Variants in TSC1 observed in about 807,000 individuals in gnomAD.
TSC1 encodes hamartin.
A neutral mutation model predicts 124.3 loss-of-function variants in TSC1; 20 were observed. The ratio of observed to expected loss-of-function variants is 0.16; its 90% CI spans 0.11 to 0.23. The LOEUF (loss-of-function observed/expected upper bound fraction) is 0.23, where lower values mean the gene tolerates loss of function less well. Ranked by LOEUF, TSC1 falls within the 10% of genes least tolerant of loss-of-function variation. The pLI, the probability that TSC1 is intolerant of heterozygous loss-of-function variation, is 1.00. For missense variants in TSC1, 1,124 were observed against 1,448.5 expected, an observed-to-expected ratio of 0.78 and a Z score of 3.64; for synonymous variants, 493 against 539.1, an observed-to-expected ratio of 0.91 and a Z score of 1.19.
Position 132,902,465 on chromosome 9 carries a change from T to G in TSC1, c.2391+140A>C. 8.8e-7 allele frequency: 1 copy of G among 1,137,852 alleles called. No homozygotes were observed. The highest frequency in any genetic ancestry group is 1.3e-6 in the Non-Finnish European group (1 of 769,394). The allele number at this position is 1,137,852 out of a possible 1,614,324, so 70.5% of individuals were successfully genotyped here. On this transcript the variant is annotated intron_variant, in intron 18 of 22. Coordinates refer to ENST00000298552, the MANE Select transcript of TSC1 (RefSeq NM_000368.5). The surrounding 1 kb of genome is among the most constrained non-coding windows in gnomAD (Gnocchi z 5.2). ...TAAGATTCACCTGCCATGAAGAATT[T>G]CTGCCATGATTTCAGAGAGAAAAGC... is the stretch of plus-strand genomic sequence containing the variant.
intron 2 of TSC1, among the ~76,000 whole-genome samples, chr9:132,932,626 GC>G (rs1847260492): frequency 6.6e-6 from 1 of 152,040 alleles, no homozygotes; most frequent in Admixed American, 6.5e-5. Flanking sequence ...AGCCTACAAG[GC>G]CTCATAAGAT....
Position 132,900,696 on chromosome 9 carries a change from C to T in TSC1, c.2625+19G>A, listed in dbSNP as rs200135828. On this transcript the variant is annotated intron_variant, in intron 20 of 22. Transcript: ENST00000298552. Reference sequence around the variant, plus strand: ...AAACGCTTTCCCCACTAAGGTCTGGCTCCCGAGCCCTGGCATACCTTTGTG... The same window carrying T: ...AAACGCTTTCCCCACTAAGGTCTGGTTCCCGAGCCCTGGCATACCTTTGTG... 6.5e-5 allele frequency: 105 copies of T among 1,613,850 alleles called. No homozygotes were observed. The African/African-American group carries it at 1.3e-3, about 20-fold the overall frequency.
intron 8 of TSC1, chr9:132,912,745 G>A (rs2132012316): frequency 2.4e-6 from 1 of 424,076 alleles, no homozygotes; most frequent in East Asian, 5.0e-5. Flanking sequence ...TGAAACATAA[G>A]CTATGCAGCA....
Position 132,921,739 on chromosome 9 carries a change from G to A in TSC1, c.663+80C>T, listed in dbSNP as rs940155423. The stretch of plus-strand genomic sequence containing the variant: ...ATTTCTTTTCAAAATTTCCCTGTCT[G>A]CCGTTAAATACAAAAGGTATAAATG... On this transcript the variant is annotated intron_variant, in intron 7 of 22. Transcript: ENST00000298552. This position sits in a 1 kb window ranked among gnomAD's most constrained non-coding sequence, Gnocchi z 4.3. The A allele has an allele frequency of 6.4e-7, 1 of 1,564,618 alleles. No homozygotes were observed. The highest frequency in any genetic ancestry group is 8.8e-7 in the Non-Finnish European group (1 of 1,137,934).
In TSC1 at chr9:132,912,310, G is replaced by T. The variant is rs973115696; in HGVS notation, c.885C>A (p.Ser295Arg). The T allele has an allele frequency of 1.2e-6, 2 of 1,614,138 alleles. No individual in the cohort carries two copies. The highest frequency in any genetic ancestry group is 1.7e-6 in the Non-Finnish European group (2 of 1,180,018). The change falls in exon 9 of 23, where the codon AGC (serine) becomes AGA (arginine). Residue 295 changes from serine to arginine, a missense_variant. Ser to Arg is a moderately radical substitution (Grantham distance 110). Around this residue, in one of 5 missense-constraint regions of TSC1, gnomAD observed 463 missense variants for 606.8 expected, o/e 0.76. Coordinates refer to ENST00000298552, the MANE Select transcript of TSC1 (RefSeq NM_000368.5). ...AGCTATTCTGTGTGTCAGCATAAGG[G>T]CTGGTGGTGACATCGGCTGAACGAT... ...FPHRSADVTT[S>R]PYADTQNSYG...
intron 3 of TSC1, among the ~76,000 whole-genome samples, chr9:132,927,781 T>C (rs1404802360): frequency 6.6e-6 from 1 of 152,158 alleles, no homozygotes; most frequent in African/African-American, 2.4e-5. Context: ...CGCCTCGGCC[T>C]CCCCAAGTGC....
intron 15 of TSC1, 21 bp downstream of exon 15, chr9:132,905,560 G>A (rs767596931): frequency 1.2e-6 from 2 of 1,613,276 alleles, no homozygotes; most frequent in African/African-American, 2.7e-5. Flanking sequence ...TAACACAGAA[G>A]AGAGTGCCCC....
At position 132,906,801 on chromosome 9, in the gene TSC1, T is replaced by G. The variant is rs397514856; in HGVS notation, c.1368A>C (p.Leu456=). 6.2e-7 allele frequency: 1 copy of G among 1,614,142 alleles called. No homozygotes were observed. The highest frequency in any genetic ancestry group is 8.5e-7 in the Non-Finnish European group (1 of 1,180,012). Residue 456 remains leucine (L), a synonymous_variant, in exon 14 of 23, where the codon CTA becomes CTC. Coordinates refer to ENST00000298552, the MANE Select transcript of TSC1 (RefSeq NM_000368.5). This position sits in a 1 kb window ranked among gnomAD's most constrained non-coding sequence, Gnocchi z 4.1. ...EPPGSKGSVT[L]SDLPGFLGDL... ...CACCTAAAAACCCTGGAAGATCACT[T>G]AGAGTGACAGAACCTTTGCTGCCAG...
chr9:132,922,134 C>T (rs1846602992), intron 6 of TSC1, among the ~76,000 whole-genome samples, 161 bp from the exon 7 acceptor site: 1 of 152,120 alleles, frequency 6.6e-6, no homozygotes, highest in African/African-American at 2.4e-5. Flanking sequence ...CAAACAAATC[C>T]GAACACACCA....
At position 132,921,469 on chromosome 9, in the gene TSC1, C is replaced by T. The variant is rs771881692; in HGVS notation, c.664-33G>A. On this transcript the variant is annotated intron_variant, in intron 7 of 22. Coordinates refer to ENST00000298552, the MANE Select transcript of TSC1 (RefSeq NM_000368.5). This position sits in a 1 kb window ranked among gnomAD's most constrained non-coding sequence, Gnocchi z 4.3. The stretch of plus-strand genomic sequence containing the variant: ...AGTTGGGTTGACAAATTATAAAGGG[C>T]TGAATGTTTGTGGAACATCCAAATG... 2 of 1,610,060 alleles carry T rather than the reference C, an allele frequency of 1.2e-6. No homozygotes were observed. Among genetic ancestry groups the T allele is most frequent in the Admixed American group, 3.3e-5 (2 of 60,002 alleles).
chr9:132,908,782 A>C (rs2106346), intron 12 of TSC1, among the ~76,000 whole-genome samples: 64,465 of 151,952 alleles, frequency 0.42, 14,779 homozygotes, highest in South Asian at 0.6. Flanking sequence ...CTTTTCAAAT[A>C]ATCATCTTTG....
intron 8 of TSC1, among the ~76,000 whole-genome samples, chr9:132,916,679 T>C (rs113551284): frequency 0.017 from 2,585 of 152,352 alleles, 79 homozygotes; most frequent in African/African-American, 0.058. Context: ...TTCCTAAATG[T>C]ATTCTAACAG....
chr9:132,918,790 G>A (rs371755497), intron 8 of TSC1, among the ~76,000 whole-genome samples: 203 of 152,156 alleles, frequency 1.3e-3, no homozygotes, highest in Admixed American at 3.3e-3. Flanking sequence ...ATACAACAAA[G>A]CTCAAAGTCA....
rs2131602760 is a variant in TSC1, at chr9:132,896,542, C to G, written c.3188G>C (p.Trp1063Ser). Reference protein sequence around the residue: ...HQRAGPFSSRWETTMGEASAS... With the variant: ...HQRAGPFSSRSETTMGEASAS... ...AGACGCTTCTCCCATAGTCGTCTCC[C>G]ACCGACTGCTGAATGGGCCTGCCCT... Residue 1063 changes from tryptophan (W) to serine (S), a missense_variant, in exon 23 of 23, where the codon TGG becomes TCG. Physicochemically the swap from Trp to Ser is radical, Grantham distance 177. Transcript: ENST00000298552. This position sits in a 1 kb window ranked among gnomAD's most constrained non-coding sequence, Gnocchi z 4.5. 2 of 1,614,186 alleles carry G rather than the reference C, an allele frequency of 1.2e-6. No homozygotes were observed. The highest frequency in any genetic ancestry group is 2.2e-5 in the South Asian group (2 of 91,082).
chr9:132,901,686 T>C lies in TSC1; in HGVS notation c.2405A>G (p.Asp802Gly). The C allele has an allele frequency of 6.2e-7, 1 of 1,613,844 alleles. No homozygotes were observed. Among genetic ancestry groups the C allele is most frequent in the Non-Finnish European group, 8.5e-7 (1 of 1,179,964 alleles). ...QSQELQTKLEDCRNMIAELRI... is the reference protein window; with the variant it reads ...QSQELQTKLEGCRNMIAELRI... ...CAGCTCCGCAATCATGTTCCTGCAG[T>C]CCTCCAGCTTCGTCTGCCCAAAGAG... The change falls in exon 19 of 23, where the codon GAC becomes GGC. Residue 802 changes from aspartate to glycine, a missense_variant. Coordinates refer to ENST00000298552, the MANE Select transcript of TSC1 (RefSeq NM_000368.5).
At chr9:132,915,236 CG>C (rs1213160514) in intron 8 of TSC1, among the ~76,000 whole-genome samples, 1 of 151,802 alleles carries the variant, frequency 6.6e-6, no homozygotes, top group Non-Finnish European at 1.5e-5. Context: ...TCTCAGCCAC[CG>C]GGGAGGCTGA....
Position 132,928,769 on chromosome 9 carries a change from G to C in TSC1, c.104C>G (p.Ser35Cys). 1 of 1,614,070 alleles carries C rather than the reference G, an allele frequency of 6.2e-7. No homozygotes were observed. The highest frequency in any genetic ancestry group is 2.2e-5 in the East Asian group (1 of 44,884). ...AAAAAGGATATTATTTTGCTAACCA[G>C]AATTGAGGTTCTCTTTAAAGACAGC... Reference protein sequence around the residue: ...VTAVFKENLNSDRGPMLVNTL... With the variant: ...VTAVFKENLNCDRGPMLVNTL... Residue 35 changes from serine to cysteine, a missense_variant and splice_region_variant, in exon 3 of 23, where the codon TCT becomes TGT. Ser to Cys is a moderately radical substitution (Grantham distance 112, BLOSUM62 -1). Coordinates refer to ENST00000298552, the MANE Select transcript of TSC1 (RefSeq NM_000368.5).
In TSC1 at chr9:132,897,294, G is replaced by T; in HGVS notation, c.2865C>A (p.Thr955=). ...ESRYEAQKRI[T]QVFELEILDL... is the part of the protein sequence containing the mutation. ...CTAAGATCTCCAATTCAAACACCTG[G>T]GTTATCCTTTTCTGAGCCTCATACC... The change falls in exon 22 of 23, where the codon ACC becomes ACA. Residue 955 remains threonine, a synonymous_variant. Coordinates refer to ENST00000298552, the MANE Select transcript of TSC1 (RefSeq NM_000368.5). 6.2e-7 allele frequency: 1 copy of T among 1,614,154 alleles called. No homozygotes were observed. The highest frequency in any genetic ancestry group is 1.1e-5 in the South Asian group (1 of 91,078).
At chr9:132,924,728 C>T (rs914408257) in intron 5 of TSC1, 1 of 152,104 alleles carries the variant, frequency 6.6e-6, no homozygotes, top group Non-Finnish European at 1.5e-5. Flanking sequence ...GTTTAAAAAA[C>T]ATTAAGTTGT....
Sources: gnomAD v4.1 joint callset for allele counts (sites outside exome capture counted in the v4.1 genomes callset) on GRCh38, gnomAD v4.1.1 for gene constraint, gnomAD v4.1.1 regional missense constraint, Gnocchi (gnomAD v3.1) non-coding constraint, MANE v1.5 for transcripts, NCBI Gene and HGNC (gene_info 2026-07-23, HGNC 2026-07-21) for gene names.